Variants in CFAP47 observed in about 807,000 individuals in gnomAD.
CFAP47 encodes cilia- and flagella-associated protein 47.
CFAP47 carries 29 observed loss-of-function variants against 148.1 expected under a neutral mutation model. The observed-to-expected ratio is 0.20, with a 90% CI of 0.15 to 0.27. CFAP47 has a LOEUF of 0.27. Among genes scored for constraint, CFAP47 ranks in the 10% least tolerant of loss-of-function variants. The probability of loss-of-function intolerance (pLI) is 1.00; values close to 1 mark genes in which losing one functional copy is unlikely to be tolerated. For missense variants in CFAP47, 1,872 were observed against 1,697.5 expected, an observed-to-expected ratio of 1.10 and a Z score of -1.81; for synonymous variants, 664 against 577.3, an observed-to-expected ratio of 1.15 and a Z score of -2.15.
chrX:36,188,049 T>G (rs1939826167), intron 40 of CFAP47, among the ~76,000 whole-genome samples: 1 of 111,921 alleles, frequency 8.9e-6, no homozygotes, highest in South Asian at 3.7e-4. Context: ...GTGAAATTGA[T>G]GGGTTCTGGA....
At chrX:36,168,069 C>G (rs1443483955) in intron 39 of CFAP47, among the ~76,000 whole-genome samples, 1 of 110,982 alleles carries the variant, frequency 9.0e-6, no homozygotes, top group Non-Finnish European at 1.9e-5. Flanking sequence ...CTTTTTAAAT[C>G]TTTTTAATCC....
intron 16 of CFAP47, chrX:35,989,801 C>A: frequency 4.3e-6 from 1 of 230,150 alleles, no homozygotes; most frequent in East Asian, 7.5e-5. Flanking sequence ...TACATGTGTA[C>A]CAAATTTCCC....
intron 42 of CFAP47, among the ~76,000 whole-genome samples, chrX:36,197,602 AAC>A (rs1423641852): frequency 4.5e-5 from 5 of 112,144 alleles, no homozygotes; most frequent in Admixed American, 9.5e-5. Flanking sequence ...TTTGTGTGGA[AAC>A]ACATACAAAC....
chrX:36,068,282 G>C (rs1428250231), intron 27 of CFAP47, among the ~76,000 whole-genome samples: 2 of 111,907 alleles, frequency 1.8e-5, no homozygotes, highest in African/African-American at 3.3e-5. Flanking sequence ...CAATTCTTCT[G>C]TCATAGCCCT....
At chrX:36,162,397 G>A (rs1047024377) in intron 39 of CFAP47, among the ~76,000 whole-genome samples, 2 of 111,172 alleles carry the variant, frequency 1.8e-5, no homozygotes, top group Non-Finnish European at 3.8e-5. Flanking sequence ...AAAATAGATT[G>A]AATAAGAAGG....
chrX:36,159,329 G>A, intron 37 of CFAP47, 97 bp from the exon 38 acceptor site: 1 of 291,388 alleles, frequency 3.4e-6, no homozygotes, highest in Non-Finnish European at 6.0e-6. Flanking sequence ...TACCTTGCAG[G>A]GGGATGTAGG....
intron 37 of CFAP47, among the ~76,000 whole-genome samples, chrX:36,151,431 AT>A (rs1479857525): frequency 1.8e-4 from 20 of 111,941 alleles, no homozygotes; most frequent in African/African-American, 6.2e-4. Flanking sequence ...AAAAATATCT[AT>A]ATCATATGAA....
At position 35,984,218 on chromosome X, in the gene CFAP47, A is replaced by G. The variant is rs968702427; in HGVS notation, c.2714-5101A>G. On this transcript the variant is annotated intron_variant, in intron 15 of 63. Transcript: ENST00000378653. ...GTTGTATGTTTCCAGGAATTTATCT[A>G]TTTCTTGTAGGCCTTCTATTTTTGT... 2.7e-5 allele frequency among the ~76,000 whole-genome samples: 3 copies of G among 110,715 alleles called. No homozygotes were observed. In the East Asian group the frequency reaches 8.5e-4, roughly 31 times the overall value.
intron 26 of CFAP47, among the ~76,000 whole-genome samples, chrX:36,065,320 T>C (rs1046054105): frequency 9.0e-6 from 1 of 111,166 alleles, no homozygotes; most frequent in African/African-American, 3.3e-5. Context: ...TGTCAGGGAC[T>C]CCATAGAAGA....
intron 62 of CFAP47, among the ~76,000 whole-genome samples, chrX:36,371,344 A>G (rs1307221875): frequency 9.1e-6 from 1 of 109,897 alleles, no homozygotes; most frequent in African/African-American, 3.3e-5. Context: ...AGAGTATAGG[A>G]ATTAGAAACA....
chrX:36,311,989 G>C (rs1426484371), intron 56 of CFAP47, among the ~76,000 whole-genome samples: 6 of 110,971 alleles, frequency 5.4e-5, no homozygotes, highest in Admixed American at 2.9e-4. Context: ...TTTTGGCTGC[G>C]ATCAGGAGAG....
intron 45 of CFAP47, among the ~76,000 whole-genome samples, chrX:36,215,039 A>G (rs1457380281): frequency 2.7e-5 from 3 of 111,551 alleles, no homozygotes; most frequent in Admixed American, 1.9e-4. Flanking sequence ...AGGCTTTTAT[A>G]CCACTTGGCA....
chrX:35,981,619 C>T (rs758978427), intron 15 of CFAP47, among the ~76,000 whole-genome samples: 3 of 111,194 alleles, frequency 2.7e-5, no homozygotes, highest in Non-Finnish European at 3.8e-5. Flanking sequence ...TACAGATTGA[C>T]ACTCAGTTAA....
chrX:36,334,651 C>G (rs782058816), intron 57 of CFAP47, among the ~76,000 whole-genome samples: 1 of 109,924 alleles, frequency 9.1e-6, no homozygotes, highest in Admixed American at 9.7e-5. Flanking sequence ...TATTTCTTAA[C>G]ACTGTATCAA....
At chrX:36,061,793 A>G (rs1937595780) in intron 26 of CFAP47, among the ~76,000 whole-genome samples, 1 of 112,000 alleles carries the variant, frequency 8.9e-6, no homozygotes, top group Non-Finnish European at 1.9e-5. Context: ...TAAATGCTAT[A>G]TGAATTCTGT....
chrX:35,989,598 T>A, intron 16 of CFAP47, 149 bp downstream of exon 16: 2 of 1,118,146 alleles, frequency 1.8e-6, no homozygotes, highest in Non-Finnish European at 1.2e-6. Flanking sequence ...AGAGCCTCTA[T>A]AAATATGTAA....
chrX:36,246,047 A>T (rs1477598021), intron 48 of CFAP47, among the ~76,000 whole-genome samples: 1 of 111,770 alleles, frequency 8.9e-6, no homozygotes, highest in Non-Finnish European at 1.9e-5. Context: ...GTAAATTGCA[A>T]CAAATCAAAA....
chrX:36,201,170 A>C (rs1293913483), intron 43 of CFAP47, 104 bp from the exon 44 acceptor site: 1 of 291,643 alleles, frequency 3.4e-6, no homozygotes, highest in African/African-American at 2.7e-5. Context: ...CATAATGACC[A>C]TAACTGCAAT....
chrX:35,998,493 G>T (rs773784002), intron 19 of CFAP47, among the ~76,000 whole-genome samples: 2 of 111,307 alleles, frequency 1.8e-5, no homozygotes, highest in African/African-American at 3.3e-5. Flanking sequence ...GGGGCTATTT[G>T]TACTTTTGTT....
Sources: allele counts gnomAD v4.1 joint callset (sites outside exome capture counted in the v4.1 genomes callset), GRCh38; gene constraint gnomAD v4.1.1; transcripts MANE v1.5; gene names NCBI Gene and HGNC (gene_info 2026-07-23, HGNC 2026-07-21).